Variants in NUDCD3 observed in about 807,000 individuals in gnomAD.
NUDCD3 encodes the protein nudC domain-containing protein 3.
In NUDCD3, 13 loss-of-function variants were observed where a neutral mutation model predicts 39.7. That is an observed-to-expected ratio of 0.33 (90% CI 0.21 to 0.52). The LOEUF is 0.52. NUDCD3 is among the 20% of genes least tolerant of loss of function. NUDCD3 has a pLI of 0.96. For synonymous variants in NUDCD3, 175 were observed against 172.4 expected (o/e 1.02, Z -0.12); for missense variants, 453 against 458.1 (o/e 0.99, Z 0.10).
intron 4 of NUDCD3, among the ~76,000 whole-genome samples, chr7:44,397,737 T>C (rs1307466916): frequency 6.6e-6 from 1 of 152,224 alleles, no homozygotes; most frequent in Admixed American, 6.5e-5. Flanking sequence ...GTATGTATAA[T>C]ATATAATAAC....
rs1295380165 is a variant in NUDCD3 at position 44,431,947 on chromosome 7, C to T, written c.510-4244G>A. Among the ~76,000 whole-genome samples, 3 of 152,120 alleles carry T rather than the reference C, an allele frequency of 2.0e-5. No homozygotes were observed. In the East Asian group the frequency reaches 5.8e-4, roughly 29 times the overall value. On this transcript the variant is annotated intron_variant, in intron 2 of 5. Transcript: ENST00000355451. ...TCAGCCTCCCATAGTGCTGGGATTA[C>T]GTGCGTGGGCCACCGTGCCCAGCCT...
At chr7:44,453,340 G>A (rs1200500209) in intron 2 of NUDCD3, among the ~76,000 whole-genome samples, 3 of 151,968 alleles carry the variant, frequency 2.0e-5, no homozygotes, top group African/African-American at 7.2e-5. Context: ...GCGACAGAGT[G>A]AGACTTCATC....
intron 2 of NUDCD3, among the ~76,000 whole-genome samples, chr7:44,451,101 T>C (rs1434302820): frequency 1.3e-5 from 2 of 152,238 alleles, no homozygotes; most frequent in Admixed American, 6.5e-5. Context: ...CATCAATGGA[T>C]GAATGGATAA....
At chr7:44,429,681 G>C (rs1416018159) in intron 2 of NUDCD3, among the ~76,000 whole-genome samples, 1 of 152,170 alleles carries the variant, frequency 6.6e-6, no homozygotes, top group African/African-American at 2.4e-5. Flanking sequence ...ATATTGGCAG[G>C]ACTAGGCACT....
At chr7:44,394,059 G>A (rs575914907) in intron 4 of NUDCD3, among the ~76,000 whole-genome samples, 6 of 152,328 alleles carry the variant, frequency 3.9e-5, no homozygotes, top group South Asian at 2.1e-4. Flanking sequence ...GATCAAGTCC[G>A]AGAATGTGTT....
At chr7:44,464,218 AAAAAAAAAAAAG>A (rs1800075235) in intron 2 of NUDCD3, among the ~76,000 whole-genome samples, 1 of 147,404 alleles carries the variant, frequency 6.8e-6, no homozygotes, top group Non-Finnish European at 1.5e-5. Flanking sequence ...CATCTCAAAA[AAAAAAAAAAAAG>A]AAAAAGAAAA....
intron 2 of NUDCD3, among the ~76,000 whole-genome samples, chr7:44,439,152 C>A (rs1799528161): frequency 6.6e-6 from 1 of 152,128 alleles, no homozygotes; most frequent in African/African-American, 2.4e-5. Flanking sequence ...ACATACCAAT[C>A]ATCATTGGAA....
chr7:44,401,345 CATAA>C (rs1423529854), intron 4 of NUDCD3, among the ~76,000 whole-genome samples: 1 of 152,170 alleles, frequency 6.6e-6, no homozygotes, highest in Non-Finnish European at 1.5e-5. Context: ...AAAGGTCACA[CATAA>C]ATAAATAATT....
chr7:44,479,334 C>G (rs1800441935), intron 2 of NUDCD3, among the ~76,000 whole-genome samples: 2 of 152,140 alleles, frequency 1.3e-5, no homozygotes, highest in Admixed American at 6.5e-5. Flanking sequence ...ATAAATTATA[C>G]TTTACTAAAA....
At chr7:44,397,092 C>T (rs1276691144) in intron 4 of NUDCD3, among the ~76,000 whole-genome samples, 1 of 152,210 alleles carries the variant, frequency 6.6e-6, no homozygotes, top group Non-Finnish European at 1.5e-5. Context: ...GCCCCGTTCC[C>T]CTTCTCAGCA....
At chr7:44,426,172 G>A (rs1342310388) in intron 3 of NUDCD3, 2 of 985,286 alleles carry the variant, frequency 2.0e-6, no homozygotes, top group African/African-American at 1.7e-5. Flanking sequence ...GTTTAAAGGG[G>A]GGTGACCGGG....
At chr7:44,389,859 C>T (rs952963726) in intron 5 of NUDCD3, among the ~76,000 whole-genome samples, 2 of 152,158 alleles carry the variant, frequency 1.3e-5, no homozygotes, top group East Asian at 3.9e-4. Context: ...AGGGGAGGGG[C>T]AAGGATGTAG....
At position 44,490,617 on chromosome 7, in the gene NUDCD3, G is replaced by A. The variant is rs757149282; in HGVS notation, c.-17C>T. On this transcript the variant is annotated 5_prime_UTR_variant, in exon 1 of 6. Coordinates refer to ENST00000355451, the MANE Select transcript of NUDCD3 (RefSeq NM_015332.4). ...TGTCTCCATGTCGCCTCCCGCCCTA[G>A]GTACGCTTCACACACACAGCGCCGC... 5 of 1,591,330 alleles carry A rather than the reference G, an allele frequency of 3.1e-6. No homozygotes were observed. In the Admixed American group the frequency reaches 5.2e-5, roughly 17 times the overall value.
At chr7:44,412,353 T>A (rs918339112) in intron 3 of NUDCD3, among the ~76,000 whole-genome samples, 1 of 152,250 alleles carries the variant, frequency 6.6e-6, no homozygotes, top group African/African-American at 2.4e-5. Context: ...GTGTATACAA[T>A]CTAGATCATT....
At chr7:44,463,006 A>G (rs977943292) in intron 2 of NUDCD3, among the ~76,000 whole-genome samples, 2 of 151,406 alleles carry the variant, frequency 1.3e-5, no homozygotes, top group African/African-American at 2.4e-5. Context: ...CAAAGATACA[A>G]AAGATTTATA....
chr7:44,455,436 A>T (rs1799873094), intron 2 of NUDCD3, among the ~76,000 whole-genome samples: 1 of 151,958 alleles, frequency 6.6e-6, no homozygotes, highest in Admixed American at 6.6e-5. Flanking sequence ...CTCCCAGCTC[A>T]CTGCATCCTC....
chr7:44,490,504 A>T lies in NUDCD3; in HGVS notation c.97T>A (p.Phe33Ile). 2 of 1,611,040 alleles carry T rather than the reference A, an allele frequency of 1.2e-6. No individual in the cohort carries two copies. The highest frequency in any genetic ancestry group is 8.5e-7 in the Non-Finnish European group (1 of 1,178,862). The change falls in exon 1 of 6, where the codon TTC becomes ATC. Residue 33 changes from phenylalanine to isoleucine, a missense_variant. By Grantham distance (21) the Phe-to-Ile change is conservative. Transcript: ENST00000355451. ...VQDFLRVLFGFLYRKTDFYRL... is the reference protein window; with the variant it reads ...VQDFLRVLFGILYRKTDFYRL... ...TAGAAGTCTGTCTTGCGGTAGAGGA[A>T]GCCAAAGAGAACGCGCAGGAAATCC...
chr7:44,454,680 A>G (rs1799858851), intron 2 of NUDCD3, among the ~76,000 whole-genome samples: 1 of 152,178 alleles, frequency 6.6e-6, no homozygotes, highest in African/African-American at 2.4e-5. Flanking sequence ...TAATCCCAGC[A>G]CTTTGGGAGG....
intron 2 of NUDCD3, among the ~76,000 whole-genome samples, chr7:44,467,446 C>T (rs1800142629): frequency 6.6e-6 from 1 of 152,102 alleles, no homozygotes. Flanking sequence ...AAAAAGAAGC[C>T]AGAGGTTCCT....
Sources: allele counts gnomAD v4.1 joint callset (sites outside exome capture counted in the v4.1 genomes callset), GRCh38; gene constraint gnomAD v4.1.1; transcripts MANE v1.5; gene names NCBI Gene and HGNC (gene_info 2026-07-23, HGNC 2026-07-21).